Variants in SUGCT observed in about 807,000 individuals in gnomAD.
SUGCT encodes the protein succinyl-CoA:glutarate CoA-transferase.
A neutral mutation model predicts 55.0 loss-of-function variants in SUGCT; 41 were observed. The observed-to-expected ratio is 0.74, with a 90% CI of 0.58 to 0.97. SUGCT has a LOEUF of 0.97. Ranked by LOEUF, SUGCT falls within the 50% of genes least tolerant of loss-of-function variation. The probability of loss-of-function intolerance (pLI) is 0.00; values close to 1 mark genes in which losing one functional copy is unlikely to be tolerated. For synonymous variants in SUGCT, 187 were observed against 200.4 expected, an observed-to-expected ratio of 0.93 and a Z score of 0.56; for missense variants, 568 against 547.8, an observed-to-expected ratio of 1.04 and a Z score of -0.37.
intron 12 of SUGCT, among the ~76,000 whole-genome samples, chr7:40,566,537 A>G (rs189587546): frequency 3.9e-5 from 6 of 152,348 alleles, no homozygotes; most frequent in African/African-American, 1.4e-4. Flanking sequence ...GAGCTAAAAA[A>G]AGAAAGCTTC....
intron 8 of SUGCT, among the ~76,000 whole-genome samples, chr7:40,297,228 G>T (rs532649341): frequency 6.6e-6 from 1 of 151,972 alleles, no homozygotes; most frequent in Non-Finnish European, 1.5e-5. Context: ...GAGCCCATTG[G>T]TTGCAGCAAA....
At chr7:40,670,562 TAG>T (rs1348946080) in intron 12 of SUGCT, among the ~76,000 whole-genome samples, 1 of 152,140 alleles carries the variant, frequency 6.6e-6, no homozygotes, top group Non-Finnish European at 1.5e-5. Context: ...AAATTTTTTT[TAG>T]AGTCATTGTC....
chr7:41,015,534 T>G, the SUGCT span, among the ~76,000 whole-genome samples: 8 of 152,200 alleles, frequency 5.3e-5, no homozygotes, highest in Admixed American at 2.6e-4. Context: ...CCCTACATTC[T>G]GTATTTTTAA....
chr7:41,016,020 A>G, the SUGCT span, among the ~76,000 whole-genome samples: 1 of 152,142 alleles, frequency 6.6e-6, no homozygotes, highest in Non-Finnish European at 1.5e-5. Context: ...TGAAGGACTG[A>G]TGTTTCAGGG....
the SUGCT span, among the ~76,000 whole-genome samples, chr7:40,955,260 C>T: frequency 6.6e-6 from 1 of 152,184 alleles, no homozygotes. Context: ...TTGATTCTTC[C>T]TATCCATGAG....
chr7:40,434,151 C>T (rs10241646), intron 9 of SUGCT, among the ~76,000 whole-genome samples: 36,779 of 152,064 alleles, frequency 0.24, 5,781 homozygotes, highest in Non-Finnish European at 0.36. Context: ...GAAGGGATAA[C>T]TTCCTAGTTG....
the SUGCT span, among the ~76,000 whole-genome samples, chr7:40,977,010 C>T: frequency 6.6e-6 from 1 of 152,200 alleles, no homozygotes; most frequent in Non-Finnish European, 1.5e-5. Flanking sequence ...CCTTCCCCTA[C>T]CCTGCAGTTC....
chr7:40,570,322 C>A (rs1796373267), intron 12 of SUGCT, among the ~76,000 whole-genome samples: 1 of 152,112 alleles, frequency 6.6e-6, no homozygotes, highest in Non-Finnish European at 1.5e-5. Flanking sequence ...CTATCAGTTA[C>A]TGTATAAAGG....
chr7:40,366,223 G>A (rs1783952547), intron 9 of SUGCT, among the ~76,000 whole-genome samples: 1 of 152,118 alleles, frequency 6.6e-6, no homozygotes, highest in Non-Finnish European at 1.5e-5. Flanking sequence ...GTAGAAAGCT[G>A]AAACTGGATC....
intron 13 of SUGCT, among the ~76,000 whole-genome samples, chr7:40,770,653 G>C (rs1398890567): frequency 6.6e-6 from 1 of 152,212 alleles, no homozygotes; most frequent in Non-Finnish European, 1.5e-5. Flanking sequence ...TGGTGATGAA[G>C]AGTGGCATCT....
At chr7:40,898,257 A>T in the SUGCT span, among the ~76,000 whole-genome samples, 1 of 152,110 alleles carries the variant, frequency 6.6e-6, no homozygotes, top group Admixed American at 6.5e-5. Context: ...GTGAGTTCAG[A>T]GATACCACAA....
chr7:40,375,446 A>G (rs1784494183), intron 9 of SUGCT, among the ~76,000 whole-genome samples: 1 of 152,178 alleles, frequency 6.6e-6, no homozygotes, highest in Non-Finnish European at 1.5e-5. Context: ...GGTTATAAAA[A>G]AATTATCATA....
In SUGCT at chr7:40,860,579, G is replaced by T; in HGVS notation, c.*100G>T. The T allele has an allele frequency of 8.0e-7, 1 of 1,251,866 alleles. No homozygotes were observed. The highest frequency in any genetic ancestry group is 1.1e-6 in the Non-Finnish European group (1 of 930,760). 77.5% of individuals were successfully genotyped at this position (1,251,866 alleles called of 1,614,324 possible). On this transcript the variant is annotated 3_prime_UTR_variant, in exon 14 of 14. Transcript: ENST00000335693. ...TCCCCAGTTCTGATACCACTAAAAA[G>T]AAGATTTAGAGTAACTCCAGATTTC...
intron 1 of SUGCT, among the ~76,000 whole-genome samples, chr7:40,149,551 G>A (rs1788439476): frequency 6.6e-6 from 1 of 152,192 alleles, no homozygotes; most frequent in African/African-American, 2.4e-5. Flanking sequence ...CACTTTGGGA[G>A]GCAAGTGGAT....
intron 12 of SUGCT, among the ~76,000 whole-genome samples, chr7:40,746,478 C>T (rs1277668189): frequency 6.6e-6 from 1 of 152,294 alleles, no homozygotes; most frequent in African/African-American, 2.4e-5. Flanking sequence ...CCATTTGCCT[C>T]ATAATTGTAT....
At chr7:40,985,142 T>C in the SUGCT span, among the ~76,000 whole-genome samples, 77 of 152,336 alleles carry the variant, frequency 5.1e-4, no homozygotes, top group African/African-American at 1.8e-3. Context: ...ACCCTAACCC[T>C]GGCTTCAGTC....
chr7:40,916,581 T>C, the SUGCT span, among the ~76,000 whole-genome samples: 1 of 152,200 alleles, frequency 6.6e-6, no homozygotes, highest in Non-Finnish European at 1.5e-5. Flanking sequence ...CTATCATAAC[T>C]GAATCTAGGT....
At position 40,605,930 on chromosome 7, in the gene SUGCT, G is replaced by A. The variant is rs1584112095; in HGVS notation, c.1089+109544G>A. Among the ~76,000 whole-genome samples, 3 of 152,250 alleles carry A rather than the reference G, an allele frequency of 2.0e-5. No individual in the cohort carries two copies. In the East Asian group the frequency reaches 5.8e-4, roughly 29 times the overall value. ...AGGAGTGGAGCTTGGTGAGAGGTGG[G>A]CTAGAGTGGTAGGTTACAATCAGTT... On this transcript the variant is annotated intron_variant, in intron 12 of 13. Transcript: ENST00000335693.
In SUGCT at chr7:40,586,091, C is replaced by T. The variant is rs114085519; in HGVS notation, c.1089+89705C>T. 6.0e-3 allele frequency among the ~76,000 whole-genome samples: 919 copies of T among 152,014 alleles called. 12 individuals are homozygous for T. Among genetic ancestry groups the T allele is most frequent in the African/African-American group, 0.021 (863 of 41,446 alleles). ...TAATTGTCCAGGTGGTTCAAGATCC[C>T]CTAAAAGATGCTGTATCATTGCTTA... On this transcript the variant is annotated intron_variant, in intron 12 of 13. Coordinates refer to ENST00000335693, the MANE Select transcript of SUGCT (RefSeq NM_001193313.2).
Sources: gnomAD v4.1 joint callset for allele counts (sites outside exome capture counted in the v4.1 genomes callset) on GRCh38, gnomAD v4.1.1 for gene constraint, MANE v1.5 for transcripts, NCBI Gene and HGNC (gene_info 2026-07-23, HGNC 2026-07-21) for gene names.